The following ISM1 variants were observed in gnomAD, a reference collection of about 807,000 sequenced individuals.
ISM1 encodes isthmin-1.
A neutral mutation model predicts 46.3 loss-of-function variants in ISM1; 25 were observed. The ratio of observed to expected loss-of-function variants is 0.54; its 90% CI spans 0.39 to 0.75. The LOEUF (loss-of-function observed/expected upper bound fraction) is 0.75, where lower values mean the gene tolerates loss of function less well. ISM1 is among the 30% of genes least tolerant of loss of function. ISM1 has a pLI of 0.00. For synonymous variants in ISM1, 255 were observed against 256.7 expected, an observed-to-expected ratio of 0.99 and a Z score of 0.06; for missense variants, 536 against 625.4, an observed-to-expected ratio of 0.86 and a Z score of 1.52.
chr20:13,281,604 A>C (rs1056439647), intron 3 of ISM1, among the ~76,000 whole-genome samples: 3 of 152,224 alleles, frequency 2.0e-5, no homozygotes, highest in African/African-American at 4.8e-5. Flanking sequence ...GTCTGGGTCC[A>C]GAATCTGTCC....
intron 2 of ISM1, among the ~76,000 whole-genome samples, chr20:13,279,093 A>T (rs1210513647): frequency 6.6e-6 from 1 of 152,184 alleles, no homozygotes; most frequent in African/African-American, 2.4e-5. Flanking sequence ...TCTCAATGGG[A>T]GATGTGGCAC....
At chr20:13,290,518 G>T (rs962655212) in intron 4 of ISM1, among the ~76,000 whole-genome samples, 34 of 152,162 alleles carry the variant, frequency 2.2e-4, no homozygotes, top group African/African-American at 7.5e-4. Flanking sequence ...GCATGGTGGC[G>T]GGCGCCTGTA....
intron 1 of ISM1, among the ~76,000 whole-genome samples, chr20:13,227,381 T>G (rs554300999): frequency 6.6e-6 from 1 of 151,418 alleles, no homozygotes; most frequent in Non-Finnish European, 1.5e-5. Flanking sequence ...TTTTTTGTAT[T>G]TTTAGTGGAG....
In ISM1 at chr20:13,279,725, A is replaced by G. The variant is rs779650092; in HGVS notation, c.470A>G (p.Asp157Gly). 1 of 1,613,990 alleles carries G rather than the reference A, an allele frequency of 6.2e-7. No individual in the cohort carries two copies. Among genetic ancestry groups the G allele is most frequent in the South Asian group, 1.1e-5 (1 of 91,086 alleles). The change falls in exon 3 of 6, where the codon GAC becomes GGC. Residue 157 changes from aspartate to glycine, a missense_variant. Asp to Gly is a moderately conservative substitution (Grantham distance 94). This residue lies in a region of ISM1 where 367 missense variants were observed against 376.1 expected (regional missense o/e 0.98). Transcript: ENST00000262487. The part of the protein sequence containing the change: ...NKPSWSVPSP[D>G]WRAWWQRSLS... ...CCCAGCTGGTCAGTCCCATCCCCCG[A>G]CTGGCGGGCCTGGTGGCAGAGGTCC...
chr20:13,319,908 C>A, the ISM1 span, among the ~76,000 whole-genome samples: 3 of 152,178 alleles, frequency 2.0e-5, no homozygotes, highest in Admixed American at 2.0e-4. Context: ...ATTGTGAGGG[C>A]TCTTCTGGGA....
intron 1 of ISM1, among the ~76,000 whole-genome samples, chr20:13,233,881 C>T (rs1259772550): frequency 6.6e-6 from 1 of 152,142 alleles, no homozygotes; most frequent in South Asian, 2.1e-4. Context: ...ATCTACAGAC[C>T]ACCAGTATTA....
chr20:13,222,985 A>ACTATCCTGGCCGACT (rs1170476802), intron 1 of ISM1, among the ~76,000 whole-genome samples: 2 of 152,088 alleles, frequency 1.3e-5, no homozygotes, highest in African/African-American at 2.4e-5. Flanking sequence ...CGACATGGTG[A>ACTATCCTGGCCGACT]AACCCCGTCT....
intron 1 of ISM1, among the ~76,000 whole-genome samples, chr20:13,265,609 C>T (rs1037099785): frequency 7.9e-5 from 12 of 152,156 alleles, no homozygotes; most frequent in Admixed American, 3.9e-4. Context: ...AAGCTCTGCA[C>T]TCAATCCATT....
In ISM1 at chr20:13,260,833, A is replaced by G. The variant is rs148230539; in HGVS notation, c.139-9671A>G. On this transcript the variant is annotated intron_variant, in intron 1 of 5. Coordinates refer to ENST00000262487, the MANE Select transcript of ISM1 (RefSeq NM_080826.2). Reference sequence around the variant, plus strand: ...TAGCTTAAACCCGCAAGGATTTATTATTTCTCATGACTCTCTGGGTCAGCA... The same window carrying G: ...TAGCTTAAACCCGCAAGGATTTATTGTTTCTCATGACTCTCTGGGTCAGCA... Among the ~76,000 whole-genome samples, 288 of 152,226 alleles carry G rather than the reference A, an allele frequency of 1.9e-3. 3 individuals are homozygous for G. The highest frequency in any genetic ancestry group is 6.7e-3 in the African/African-American group (277 of 41,538).
the ISM1 span, among the ~76,000 whole-genome samples, chr20:13,325,354 T>C: frequency 1.2e-4 from 19 of 152,338 alleles, no homozygotes; most frequent in Non-Finnish European, 2.4e-4. Context: ...TAAGATGTAT[T>C]TGTTTCGAAC....
intron 1 of ISM1, among the ~76,000 whole-genome samples, chr20:13,241,548 A>C (rs1315105781): frequency 6.6e-6 from 1 of 152,138 alleles, no homozygotes; most frequent in Non-Finnish European, 1.5e-5. Context: ...AGAGAAAGAA[A>C]ATGAGCTATG....
At chr20:13,247,517 G>GGTGTGTGTGTGT (rs35224672) in intron 1 of ISM1, among the ~76,000 whole-genome samples, 3 of 139,910 alleles carry the variant, frequency 2.1e-5, no homozygotes, top group Admixed American at 7.0e-5. Flanking sequence ...CAAAGTGAGG[G>GGTGTGTGTGTGT]GTGTGTGTGT....
At position 13,279,771 on chromosome 20, in the gene ISM1, C is replaced by T; in HGVS notation, c.516C>T (p.Asn172=). ...GGTCCCTGTCCTTGGCCAGGGCAAA[C>T]AGCGGGGACCAGGACTACAAGTACG... The part of the protein sequence containing the change: ...WQRSLSLARA[N]SGDQDYKYDS... Residue 172 remains asparagine, a synonymous_variant, in exon 3 of 6, where the codon AAC becomes AAT. Transcript: ENST00000262487. The T allele has an allele frequency of 6.2e-7, 1 of 1,614,048 alleles. No homozygotes were observed. The highest frequency in any genetic ancestry group is 8.5e-7 in the Non-Finnish European group (1 of 1,179,902).
rs1311500004 is a variant in ISM1, at chr20:13,235,838, C to T, written c.138+13924C>T. 2.0e-5 allele frequency among the ~76,000 whole-genome samples: 3 copies of T among 152,186 alleles called. No homozygotes were observed. The East Asian group carries it at 5.8e-4, about 29-fold the overall frequency. On this transcript the variant is annotated intron_variant, in intron 1 of 5. Transcript: ENST00000262487. ...TTCCCTGATGAAAGGGCACCGTTTC[C>T]TACCTTCCTTCCCCAGATGCAACAA...
chr20:13,299,626 GGGACT>G lies in ISM1; in HGVS notation c.*169_*173del, dbSNP rs2040441222. 4 of 693,858 alleles carry G rather than the reference GGGACT, an allele frequency of 5.8e-6. No individual in the cohort carries two copies. In the South Asian group the frequency reaches 9.3e-5, roughly 16 times the overall value. 43.0% of individuals were successfully genotyped at this position (693,858 alleles called of 1,614,324 possible). A position where few individuals can be genotyped will look rare whatever the true frequency, so the allele number is the denominator to read the frequency against. On this transcript the variant is annotated 3_prime_UTR_variant, in exon 6 of 6. Coordinates refer to ENST00000262487, the MANE Select transcript of ISM1 (RefSeq NM_080826.2). This position sits in a 1 kb window ranked among gnomAD's most constrained non-coding sequence, Gnocchi z 5.8. ...CGCTAGGGGCGTGTGCCACGCCCAG[GGGACT>G]GCCTTGTGAAGCCGCCCTCGCCATC...
chr20:13,269,086 T>A (rs544240807), intron 1 of ISM1, among the ~76,000 whole-genome samples: 1 of 152,290 alleles, frequency 6.6e-6, no homozygotes, highest in South Asian at 2.1e-4. Flanking sequence ...TCAGAGGCAC[T>A]GTGGTGGGGG....
At chr20:13,283,918 C>A (rs2040264606) in intron 3 of ISM1, among the ~76,000 whole-genome samples, 1 of 152,118 alleles carries the variant, frequency 6.6e-6, no homozygotes, top group Non-Finnish European at 1.5e-5. Context: ...TATCTTAAAG[C>A]CAGAGCAACG....
downstream of ISM1, among the ~76,000 whole-genome samples, chr20:13,301,005 G>A (rs889874775): frequency 6.6e-6 from 1 of 152,122 alleles, no homozygotes; most frequent in Non-Finnish European, 1.5e-5. Context: ...TCCTTTTCCC[G>A]ATGAGAAAAT....
In ISM1 at chr20:13,270,614, A is replaced by T; in HGVS notation, c.249A>T (p.Arg83Ser). 6.2e-7 allele frequency: 1 copy of T among 1,613,988 alleles called. No homozygotes were observed. Among genetic ancestry groups the T allele is most frequent in the South Asian group, 1.1e-5 (1 of 91,074 alleles). The change falls in exon 2 of 6, where the codon AGA becomes AGT. Residue 83 changes from arginine to serine, a missense_variant. Arg to Ser is a moderately radical substitution (Grantham distance 110, BLOSUM62 -1). Around this residue, in one of 2 missense-constraint regions of ISM1, gnomAD observed 367 missense variants for 376.1 expected, o/e 0.98. Coordinates refer to ENST00000262487, the MANE Select transcript of ISM1 (RefSeq NM_080826.2). ...DHQAAHQPFP[R>S]PRFRQETGHP... The stretch of plus-strand genomic sequence containing the variant: ...AGGCTGCACACCAACCCTTCCCCAG[A>T]CCGCGATTCCGACAAGAGACGGGGC...
Sources: allele counts gnomAD v4.1 joint callset (sites outside exome capture counted in the v4.1 genomes callset), GRCh38; gene constraint gnomAD v4.1.1; regional missense constraint gnomAD v4.1.1; non-coding constraint Gnocchi (gnomAD v3.1); transcripts MANE v1.5; gene names NCBI Gene and HGNC (gene_info 2026-07-23, HGNC 2026-07-21).